The following AK3 variants were observed in gnomAD, a reference collection of about 807,000 sequenced individuals.
AK3 encodes adenylate kinase 3, also known as GTP:AMP phosphotransferase AK3, mitochondrial.
In AK3, 27 loss-of-function variants were observed where a neutral mutation model predicts 23.7. That is an observed-to-expected ratio of 1.14 (90% CI 0.84 to 1.57). The LOEUF (loss-of-function observed/expected upper bound fraction) is 1.57, where lower values mean the gene tolerates loss of function less well. Ranked by LOEUF, AK3 falls within the 40% of genes most tolerant of loss-of-function variation. The pLI is 0.00. For missense variants in AK3, 406 were observed against 285.6 expected (o/e 1.42, Z -3.04); for synonymous variants, 159 against 116.0 (o/e 1.37, Z -2.38).
intron 1 of AK3, among the ~76,000 whole-genome samples, chr9:4,735,107 T>G (rs561830455): frequency 6.0e-5 from 9 of 150,690 alleles, no homozygotes; most frequent in Admixed American, 4.0e-4. Context: ...ATTAATTTTT[T>G]AAAAGGTTGG....
intron 1 of AK3, among the ~76,000 whole-genome samples, chr9:4,739,898 A>G (rs371053): frequency 0.54 from 81,309 of 151,760 alleles, 22,515 homozygotes; most frequent in East Asian, 0.79. Context: ...AAACAAACAA[A>G]CCAAAAAGAA....
At chr9:4,740,250 C>G (rs1433403938) in intron 1 of AK3, among the ~76,000 whole-genome samples, 1 of 152,016 alleles carries the variant, frequency 6.6e-6, no homozygotes, top group Non-Finnish European at 1.5e-5. Context: ...ATTTACATAC[C>G]ACAAATTCAC....
intron 4 of AK3, among the ~76,000 whole-genome samples, chr9:4,715,872 C>A (rs796345324): frequency 6.6e-6 from 1 of 152,200 alleles, no homozygotes; most frequent in African/African-American, 2.4e-5. Context: ...ACTCAGTCGA[C>A]GAGGTTCAGG....
At chr9:4,733,079 A>T (rs775334945) in intron 1 of AK3, among the ~76,000 whole-genome samples, 9 of 151,702 alleles carry the variant, frequency 5.9e-5, no homozygotes, top group Non-Finnish European at 1.0e-4. Context: ...AAACTCCTGG[A>T]CTCTACTGAT....
Position 4,709,769 on chromosome 9 carries a change from A to G in AK3, c.*3207T>C, listed in dbSNP as rs551050409. 10 of 152,358 alleles carry G rather than the reference A, an allele frequency of 6.6e-5. No individual in the cohort carries two copies. The highest frequency in any genetic ancestry group is 2.4e-4 in the African/African-American group (10 of 41,580). 9.4% of individuals were successfully genotyped at this position (152,358 alleles called of 1,614,324 possible). A position where few individuals can be genotyped will look rare whatever the true frequency, so the allele number is the denominator to read the frequency against. ...TTCCAAGATGAAAATCTTTAACTGC[A>G]AAGATAGAAAAGCTATTTCTACAGT... On this transcript the variant is annotated 3_prime_UTR_variant, in exon 5 of 5. Transcript: ENST00000381809.
intron 1 of AK3, among the ~76,000 whole-genome samples, chr9:4,728,266 T>A (rs1046306483): frequency 1.3e-5 from 2 of 152,168 alleles, no homozygotes; most frequent in African/African-American, 4.8e-5. Flanking sequence ...TAAAACAACA[T>A]ATGCCTTTAA....
intron 1 of AK3, among the ~76,000 whole-genome samples, chr9:4,740,037 G>C (rs1035119967): frequency 1.5e-5 from 2 of 133,008 alleles, no homozygotes; most frequent in Non-Finnish European, 3.1e-5. Flanking sequence ...TGCTATGCAC[G>C]TCTATCCTGT....
chr9:4,719,786 C>A (rs1361216711), intron 2 of AK3, among the ~76,000 whole-genome samples: 1 of 152,168 alleles, frequency 6.6e-6, no homozygotes, highest in Non-Finnish European at 1.5e-5. Flanking sequence ...CAGGGACTGG[C>A]CGGGCGCAGT....
chr9:4,728,276 A>G (rs1036461505), intron 1 of AK3, among the ~76,000 whole-genome samples: 3 of 152,250 alleles, frequency 2.0e-5, no homozygotes, highest in African/African-American at 7.2e-5. Context: ...TATGCCTTTA[A>G]AAACAAGTGT....
At chr9:4,723,434 A>C (rs1841951162) in intron 1 of AK3, among the ~76,000 whole-genome samples, 1 of 152,238 alleles carries the variant, frequency 6.6e-6, no homozygotes, top group African/African-American at 2.4e-5. Context: ...GTTTTTAACC[A>C]GATTAGTATT....
At chr9:4,734,246 G>T (rs1489108872) in intron 1 of AK3, among the ~76,000 whole-genome samples, 1 of 152,186 alleles carries the variant, frequency 6.6e-6, no homozygotes, top group East Asian at 1.9e-4. Flanking sequence ...AGGCCAGGAA[G>T]AAGGGCCTCA....
At chr9:4,714,910 G>A (rs1301093039) in intron 4 of AK3, among the ~76,000 whole-genome samples, 4 of 152,008 alleles carry the variant, frequency 2.6e-5, no homozygotes, top group African/African-American at 9.7e-5. Context: ...TCTACGTGTG[G>A]GAGCTGAGAA....
intron 4 of AK3, among the ~76,000 whole-genome samples, chr9:4,714,732 A>G (rs1409927410): frequency 6.6e-6 from 1 of 152,230 alleles, no homozygotes; most frequent in African/African-American, 2.4e-5. Flanking sequence ...GAGTAAGGGC[A>G]TCATGTTGTT....
chr9:4,738,754 T>C (rs535066358), intron 1 of AK3, among the ~76,000 whole-genome samples: 50 of 147,614 alleles, frequency 3.4e-4, no homozygotes, highest in Non-Finnish European at 6.1e-4. Flanking sequence ...ATAATAAATA[T>C]GCTTTACTTT....
At chr9:4,736,074 C>T (rs1842286164) in intron 1 of AK3, among the ~76,000 whole-genome samples, 1 of 146,716 alleles carries the variant, frequency 6.8e-6, no homozygotes, top group Non-Finnish European at 1.5e-5. Context: ...GAGATCGTGC[C>T]ACTGCACTCC....
chr9:4,725,694 T>G (rs1208813853), intron 1 of AK3, among the ~76,000 whole-genome samples: 1 of 152,214 alleles, frequency 6.6e-6, no homozygotes, highest in Non-Finnish European at 1.5e-5. Flanking sequence ...TGGTAAGGAA[T>G]TTGTATCTAG....
intron 3 of AK3, 97 bp downstream of exon 3, chr9:4,719,038 T>TC: frequency 3.9e-6 from 5 of 1,278,306 alleles, no homozygotes; most frequent in South Asian, 2.7e-5. Flanking sequence ...TCAGGAGTTT[T>TC]GGTCAGAGGA....
rs465793 is a variant in AK3 at position 4,718,921 on chromosome 9, A to T, written c.444+214T>A. 4.7e-4 allele frequency among the ~76,000 whole-genome samples: 71 copies of T among 152,068 alleles called. 1 individual carries two copies. The highest frequency in any genetic ancestry group is 1.7e-3 in the African/African-American group (69 of 41,458). On this transcript the variant is annotated intron_variant, in intron 3 of 4. Transcript: ENST00000381809. ...CCTTGGCAGAGCAGGAAATCAACAA[A>T]TGTTTTTGAATGAGTAACAAACCCC...
chr9:4,728,151 G>C (rs1437597176), intron 1 of AK3, among the ~76,000 whole-genome samples: 1 of 152,120 alleles, frequency 6.6e-6, no homozygotes, highest in East Asian at 1.9e-4. Flanking sequence ...AATAGAAATG[G>C]GAAGTGCGTA....
Sources: gnomAD v4.1 joint callset for allele counts (sites outside exome capture counted in the v4.1 genomes callset) on GRCh38, gnomAD v4.1.1 for gene constraint, MANE v1.5 for transcripts, NCBI Gene and HGNC (gene_info 2026-07-23, HGNC 2026-07-21) for gene names.